Variants in GRIN2B observed in about 807,000 individuals in gnomAD.
The protein encoded by GRIN2B is glutamate ionotropic receptor NMDA type subunit 2B.
In GRIN2B, 5 loss-of-function variants were observed where a neutral mutation model predicts 114.5. The ratio of observed to expected loss-of-function variants is 0.04; its 90% CI spans 0.02 to 0.09. The LOEUF (loss-of-function observed/expected upper bound fraction) is 0.09, where lower values mean the gene tolerates loss of function less well. Ranked by LOEUF, GRIN2B falls within the 10% of genes least tolerant of loss-of-function variation. The probability of loss-of-function intolerance (pLI) is 1.00; values close to 1 mark genes in which losing one functional copy is unlikely to be tolerated. For synonymous variants in GRIN2B, 787 were observed against 745.1 expected, an observed-to-expected ratio of 1.06 and a Z score of -0.92; for missense variants, 1,108 against 1,943.5, an observed-to-expected ratio of 0.57 and a Z score of 8.08.
chr12:13,940,547 G>C (rs1429747816), intron 2 of GRIN2B, among the ~76,000 whole-genome samples: 1 of 152,112 alleles, frequency 6.6e-6, no homozygotes, highest in Non-Finnish European at 1.5e-5. Context: ...AATACAAGGG[G>C]TGTAACTAGG....
chr12:13,594,317 A>T (rs1044653042), intron 10 of GRIN2B, among the ~76,000 whole-genome samples: 2 of 152,226 alleles, frequency 1.3e-5, no homozygotes, highest in African/African-American at 4.8e-5. Flanking sequence ...CATGTGGCAC[A>T]TATATACCAT....
intron 4 of GRIN2B, among the ~76,000 whole-genome samples, chr12:13,690,763 A>G (rs891259328): frequency 6.6e-6 from 1 of 152,228 alleles, no homozygotes; most frequent in African/African-American, 2.4e-5. Flanking sequence ...TTATTCCGTA[A>G]GAAAGAAAAA....
rs1866970128 is a variant in GRIN2B at position 13,929,027 on chromosome 12, GATGA to G, written c.-19+50897_-19+50900del. ...GTATTATGATTTTTCCCATTTTATG[GATGA>G]ATAACTAAAATATTAAGAAACATGT... On this transcript the variant is annotated intron_variant, in intron 2 of 13. Coordinates refer to ENST00000609686, the MANE Select transcript of GRIN2B (RefSeq NM_000834.5). 5.3e-5 allele frequency among the ~76,000 whole-genome samples: 8 copies of G among 152,264 alleles called. No individual in the cohort carries two copies. The South Asian group carries it at 1.7e-3, about 32-fold the overall frequency.
intron 3 of GRIN2B, among the ~76,000 whole-genome samples, chr12:13,805,726 C>T (rs74825056): frequency 0.013 from 2,053 of 152,224 alleles, 35 homozygotes; most frequent in African/African-American, 0.046. Flanking sequence ...ACATACTTAT[C>T]ATTTTTCTGT....
At chr12:13,590,187 G>C (rs1470387232) in intron 10 of GRIN2B, among the ~76,000 whole-genome samples, 2 of 152,002 alleles carry the variant, frequency 1.3e-5, no homozygotes, top group African/African-American at 4.8e-5. Context: ...TGCCATGCAA[G>C]CAGGGAAGGC....
chr12:13,720,486 A>G (rs188023704), intron 4 of GRIN2B, among the ~76,000 whole-genome samples: 2 of 152,108 alleles, frequency 1.3e-5, no homozygotes, highest in Non-Finnish European at 2.9e-5. Context: ...CCAACAGTGC[A>G]TTAAGCTAAG....
intron 3 of GRIN2B, among the ~76,000 whole-genome samples, chr12:13,859,526 C>T (rs1865718979): frequency 6.6e-6 from 1 of 152,218 alleles, no homozygotes; most frequent in African/African-American, 2.4e-5. Context: ...AGAGCACTGC[C>T]TACCCATCTT....
intron 2 of GRIN2B, among the ~76,000 whole-genome samples, chr12:13,930,194 G>GATAA (rs1250384346): frequency 4.4e-4 from 67 of 152,010 alleles, no homozygotes; most frequent in Middle Eastern, 3.4e-3. Flanking sequence ...ACAATAAATA[G>GATAA]ATAAATAAAT....
rs796607856 is a variant in GRIN2B, at chr12:13,547,959, G to GTGTGTATATATATATATA, written c.*14823_*14824insTATATATATATATACACA. ...TATGTATGTATGTATGTATGTGTGT[G>GTGTGTATATATATATATA]TATATATATATATATATATATATTT... On this transcript the variant is annotated 3_prime_UTR_variant, in exon 14 of 14. Transcript: ENST00000609686. 24 of 91,456 alleles carry GTGTGTATATATATATATA rather than the reference G, an allele frequency of 2.6e-4. 1 individual carries two copies. Among genetic ancestry groups the GTGTGTATATATATATATA allele is most frequent in the Middle Eastern group, 5.0e-3 (1 of 200 alleles). The allele number at this position is 91,456 out of a possible 1,614,324, so 5.7% of individuals were successfully genotyped here. A position where few individuals can be genotyped will look rare whatever the true frequency, so the allele number is the denominator to read the frequency against.
At chr12:13,664,881 TTTTGACA>T (rs1209954825) in intron 5 of GRIN2B, among the ~76,000 whole-genome samples, 1 of 152,142 alleles carries the variant, frequency 6.6e-6, no homozygotes, top group Non-Finnish European at 1.5e-5. Context: ...CCCCTCAGTG[TTTTGACA>T]TTTCTCTGCA....
chr12:13,802,098 T>C (rs1349915726), intron 3 of GRIN2B, among the ~76,000 whole-genome samples: 2 of 152,076 alleles, frequency 1.3e-5, no homozygotes, highest in African/African-American at 4.8e-5. Flanking sequence ...GTCTGAAGTC[T>C]AGCCAAATAA....
intron 2 of GRIN2B, among the ~76,000 whole-genome samples, chr12:13,904,007 T>C (rs1331642387): frequency 6.6e-6 from 1 of 152,062 alleles, no homozygotes; most frequent in African/African-American, 2.4e-5. Flanking sequence ...TTGACTAATA[T>C]TTGCATGGCA....
chr12:13,586,052 C>T (rs1287553013), intron 10 of GRIN2B, among the ~76,000 whole-genome samples: 2 of 152,122 alleles, frequency 1.3e-5, no homozygotes, highest in Non-Finnish European at 2.9e-5. Flanking sequence ...TATCAATAAC[C>T]ATGTTGGTAG....
intron 5 of GRIN2B, among the ~76,000 whole-genome samples, chr12:13,631,800 TAC>T (rs1156470278): frequency 6.6e-6 from 1 of 152,220 alleles, no homozygotes; most frequent in African/African-American, 2.4e-5. Context: ...CCAGGTAGTC[TAC>T]CATTAAATGG....
intron 4 of GRIN2B, among the ~76,000 whole-genome samples, chr12:13,741,308 G>A (rs1863282650): frequency 6.6e-6 from 1 of 152,134 alleles, no homozygotes; most frequent in African/African-American, 2.4e-5. Flanking sequence ...GGGATTACAG[G>A]CGTGAGCCAC....
intron 2 of GRIN2B, among the ~76,000 whole-genome samples, chr12:13,940,097 T>G (rs1417091986): frequency 6.6e-6 from 1 of 152,148 alleles, no homozygotes; most frequent in Non-Finnish European, 1.5e-5. Context: ...TTGCTAATTT[T>G]TACCAGTCCA....
intron 10 of GRIN2B, among the ~76,000 whole-genome samples, chr12:13,588,962 C>T (rs533253944): frequency 5.3e-5 from 8 of 152,164 alleles, no homozygotes; most frequent in Non-Finnish European, 1.0e-4. Context: ...TTTTTAAGAA[C>T]GAAGTGTCTG....
At position 13,780,441 on chromosome 12, in the gene GRIN2B, T is replaced by C. The variant is rs1362648721; in HGVS notation, c.412-26526A>G. Among the ~76,000 whole-genome samples, 3 of 152,322 alleles carry C rather than the reference T, an allele frequency of 2.0e-5. No individual in the cohort carries two copies. The South Asian group carries it at 6.2e-4, about 32-fold the overall frequency. ...TGTTATTTGTGTGGCCTTTAAGCAG[T>C]TGTCATATCCATTCCCAACCATGGC... On this transcript the variant is annotated intron_variant, in intron 3 of 13. Coordinates refer to ENST00000609686, the MANE Select transcript of GRIN2B (RefSeq NM_000834.5).
intron 5 of GRIN2B, among the ~76,000 whole-genome samples, chr12:13,666,152 C>T (rs1207217393): frequency 2.0e-5 from 3 of 152,176 alleles, no homozygotes; most frequent in African/African-American, 2.4e-5. Context: ...TCTTTCCCCT[C>T]GAGGTCCATC....
Sources: allele counts gnomAD v4.1 joint callset (sites outside exome capture counted in the v4.1 genomes callset), GRCh38; gene constraint gnomAD v4.1.1; transcripts MANE v1.5; gene names NCBI Gene and HGNC (gene_info 2026-07-23, HGNC 2026-07-21).